The following HRH1 variants were observed in gnomAD, a reference collection of about 807,000 sequenced individuals.
The protein encoded by HRH1 is histamine receptor H1, also known as histamine H1 receptor.
Under a neutral mutation model 10.3 loss-of-function variants are expected in HRH1, and 6 were observed. That is an observed-to-expected ratio of 0.58 (90% CI 0.32 to 1.15). The LOEUF (loss-of-function observed/expected upper bound fraction) is 1.15. HRH1 is among the 50% of genes most tolerant of loss of function. The probability of loss-of-function intolerance (pLI) is 0.05; values close to 1 mark genes in which losing one functional copy is unlikely to be tolerated. For missense variants in HRH1, 514 were observed against 615.3 expected (o/e 0.84, Z 1.74); for synonymous variants, 242 against 236.7 (o/e 1.02, Z -0.21).
intron 1 of HRH1, among the ~76,000 whole-genome samples, chr3:11,162,074 GC>G (rs1936937549): frequency 1.3e-5 from 2 of 152,238 alleles, no homozygotes; most frequent in African/African-American, 4.8e-5. Context: ...TACAGGCAGT[GC>G]TGGGCTCTGC....
At chr3:11,179,663 G>A (rs978452386) in intron 1 of HRH1, among the ~76,000 whole-genome samples, 2 of 151,090 alleles carry the variant, frequency 1.3e-5, no homozygotes, top group Non-Finnish European at 2.9e-5. Flanking sequence ...GAAGGATATC[G>A]CCCTGGAAGT....
chr3:11,234,686 C>A (rs1248871989), intron 1 of HRH1: 10 of 1,118,098 alleles, frequency 8.9e-6, no homozygotes, highest in South Asian at 1.2e-5. Flanking sequence ...GACATGGCTG[C>A]AGCCCTGCCC....
At chr3:11,147,594 C>T (rs1482042520) in intron 1 of HRH1, among the ~76,000 whole-genome samples, 1 of 152,120 alleles carries the variant, frequency 6.6e-6, no homozygotes, top group Admixed American at 6.5e-5. Flanking sequence ...AGACTGTGAT[C>T]CCATTCCAGT....
chr3:11,251,275 G>T (rs762818585), intron 1 of HRH1, among the ~76,000 whole-genome samples: 1 of 152,074 alleles, frequency 6.6e-6, no homozygotes, highest in Non-Finnish European at 1.5e-5. Flanking sequence ...CTCTTCTGGC[G>T]GCTGTAAGTT....
intron 1 of HRH1, among the ~76,000 whole-genome samples, chr3:11,141,573 G>T (rs1936292539): frequency 1.3e-5 from 2 of 152,144 alleles, no homozygotes; most frequent in South Asian, 4.1e-4. Flanking sequence ...GTTGGTGGGA[G>T]GCATTGGTTC....
intron 1 of HRH1, among the ~76,000 whole-genome samples, chr3:11,138,544 T>C (rs1320024080): frequency 1.3e-5 from 2 of 152,154 alleles, no homozygotes; most frequent in Non-Finnish European, 2.9e-5. Context: ...AGATGGAATG[T>C]ACCACGGTGC....
chr3:11,241,971 G>C (rs1211922089), intron 1 of HRH1, among the ~76,000 whole-genome samples: 3 of 152,120 alleles, frequency 2.0e-5, no homozygotes, highest in Non-Finnish European at 4.4e-5. Flanking sequence ...GTCAGCAGGA[G>C]TCTAAAAGTA....
chr3:11,214,462 T>A (rs1938427384), intron 1 of HRH1, among the ~76,000 whole-genome samples: 1 of 152,188 alleles, frequency 6.6e-6, no homozygotes, highest in Non-Finnish European at 1.5e-5. Context: ...ATGGTGGGAT[T>A]TCTGGGCACT....
At chr3:11,155,360 G>A (rs1936763964) in intron 1 of HRH1, among the ~76,000 whole-genome samples, 2 of 152,202 alleles carry the variant, frequency 1.3e-5, no homozygotes, top group Admixed American at 6.5e-5. Context: ...TCAGAGATCA[G>A]ATTCTAGAAG....
chr3:11,206,160 G>A (rs776069873), intron 1 of HRH1, among the ~76,000 whole-genome samples: 8 of 152,120 alleles, frequency 5.3e-5, no homozygotes, highest in African/African-American at 1.4e-4. Context: ...TGTCACCCAG[G>A]CTGGAGTGCA....
At chr3:11,239,198 A>G (rs571839187) in intron 1 of HRH1, among the ~76,000 whole-genome samples, 1 of 152,318 alleles carries the variant, frequency 6.6e-6, no homozygotes, top group East Asian at 1.9e-4. Flanking sequence ...TTTAAATTAT[A>G]GTCATCCTAG....
At chr3:11,158,460 T>C (rs1936860646) in intron 1 of HRH1, among the ~76,000 whole-genome samples, 1 of 152,236 alleles carries the variant, frequency 6.6e-6, no homozygotes, top group South Asian at 2.1e-4. Flanking sequence ...AATTGGAATA[T>C]AAATCCAGGT....
intron 1 of HRH1, among the ~76,000 whole-genome samples, chr3:11,195,230 G>A (rs997497102): frequency 5.9e-5 from 9 of 152,138 alleles, no homozygotes; most frequent in Admixed American, 4.6e-4. Context: ...GCAAAACATC[G>A]TCAAAAGTGG....
upstream of HRH1, among the ~76,000 whole-genome samples, chr3:11,151,526 T>C (rs937264408): frequency 5.3e-5 from 8 of 151,908 alleles, no homozygotes; most frequent in Non-Finnish European, 8.8e-5. Context: ...GGGTACAGGG[T>C]CTTGGTCTGT....
intron 1 of HRH1, among the ~76,000 whole-genome samples, chr3:11,139,539 C>A (rs908841440): frequency 5.9e-5 from 9 of 152,146 alleles, no homozygotes; most frequent in African/African-American, 2.2e-4. Flanking sequence ...CTCAGCCTCC[C>A]AAAGTGCTGG....
Position 11,259,591 on chromosome 3 carries a change from A to G in HRH1, c.554A>G (p.Tyr185Cys), listed in dbSNP as rs919505801. Reference protein sequence around the residue: ...RREDKCETDFYDVTWFKVMTA... With the variant: ...RREDKCETDFCDVTWFKVMTA... ...GAGGACAAGTGTGAGACAGACTTCT[A>G]TGATGTCACCTGGTTCAAGGTCATG... Residue 185 changes from tyrosine (Y) to cysteine (C), a missense_variant, in exon 2 of 2, where the codon TAT becomes TGT. Transcript: ENST00000431010. The surrounding 1 kb of genome is among the most constrained non-coding windows in gnomAD (Gnocchi z 4.6). 2 of 1,614,058 alleles carry G rather than the reference A, an allele frequency of 1.2e-6. No homozygotes were observed. The highest frequency in any genetic ancestry group is 1.7e-6 in the Non-Finnish European group (2 of 1,180,002).
chr3:11,224,632 G>A (rs533494959), intron 1 of HRH1, among the ~76,000 whole-genome samples: 38 of 152,050 alleles, frequency 2.5e-4, no homozygotes, highest in Non-Finnish European at 2.5e-4. Context: ...CCCAGGAGGC[G>A]GAGCTTGCAG....
chr3:11,176,853 G>A (rs990418396), intron 1 of HRH1, among the ~76,000 whole-genome samples: 3 of 152,360 alleles, frequency 2.0e-5, no homozygotes, highest in Admixed American at 2.0e-4. Flanking sequence ...AGCACTTTGG[G>A]AGGCCAAGGC....
In HRH1 at chr3:11,237,664, C is replaced by CTTTTTTTTT. The variant is rs376450222; in HGVS notation, c.-35-21318_-35-21310dup. Among the ~76,000 whole-genome samples the CTTTTTTTTT allele has an allele frequency of 6.0e-5, 5 of 83,088 alleles. No individual in the cohort carries two copies. In the East Asian group the frequency reaches 1.1e-3, roughly 18 times the overall value. 54.5% of individuals were successfully genotyped at this position (83,088 alleles called of 152,430 possible). On this transcript the variant is annotated intron_variant, in intron 1 of 1. Transcript: ENST00000431010. The stretch of plus-strand genomic sequence containing the variant: ...AAATATTTCTTTTCTTTTTCTTTTC[C>CTTTTTTTTT]TTTTTTTTTTTTTTTTTTTTTTTTT...
Sources: allele counts gnomAD v4.1 joint callset (sites outside exome capture counted in the v4.1 genomes callset), GRCh38; gene constraint gnomAD v4.1.1; non-coding constraint Gnocchi (gnomAD v3.1); transcripts MANE v1.5; gene names NCBI Gene and HGNC (gene_info 2026-07-23, HGNC 2026-07-21).